Variants in DDX43 observed in about 807,000 individuals in gnomAD.
DDX43 encodes the protein probable ATP-dependent RNA helicase DDX43.
DDX43 carries 50 observed loss-of-function variants against 84.9 expected under a neutral mutation model. That is an observed-to-expected ratio of 0.59 (90% confidence interval 0.47 to 0.75). The LOEUF (loss-of-function observed/expected upper bound fraction) is 0.75. Among genes scored for constraint, DDX43 ranks in the 30% least tolerant of loss-of-function variants. DDX43 has a pLI of 0.00. For synonymous variants in DDX43, 291 were observed against 266.3 expected, an observed-to-expected ratio of 1.09 and a Z score of -0.90; for missense variants, 689 against 798.6, an observed-to-expected ratio of 0.86 and a Z score of 1.65.
intron 16 of DDX43, 129 bp downstream of exon 16, chr6:73,416,380 ATTAC>A: frequency 1.9e-6 from 1 of 534,952 alleles, no homozygotes; most frequent in Non-Finnish European, 3.4e-6. Context: ...ACTCATATCT[ATTAC>A]TTAATCCTTC....
In DDX43 at chr6:73,401,889, A is replaced by G. The variant is rs904846282; in HGVS notation, c.467A>G (p.Asp156Gly). ...DTAFQPSVGKDGSTDNNVVAG... is the reference protein window; with the variant it reads ...DTAFQPSVGKGGSTDNNVVAG... ...GCATTCCAACCTTCTGTTGGAAAAGATGGAAGCACAGATAACAATGTTGTT... is the reference window on the plus strand; with the variant it reads ...GCATTCCAACCTTCTGTTGGAAAAGGTGGAAGCACAGATAACAATGTTGTT... The change falls in exon 4 of 17, where the codon GAT (aspartate) becomes GGT (glycine). Residue 156 changes from aspartate (D) to glycine (G), a missense_variant. Coordinates refer to ENST00000370336, the MANE Select transcript of DDX43 (RefSeq NM_018665.3). The G allele has an allele frequency of 3.7e-6, 6 of 1,613,772 alleles. No individual in the cohort carries two copies. The highest frequency in any genetic ancestry group is 2.7e-5 in the African/African-American group (2 of 74,992).
intron 1 of DDX43, among the ~76,000 whole-genome samples, chr6:73,397,441 C>T (rs1769494119): frequency 6.6e-6 from 1 of 152,104 alleles, no homozygotes; most frequent in South Asian, 2.1e-4. Flanking sequence ...CCAGTTTGGA[C>T]CCAATTAAGT....
chr6:73,395,486 C>T lies in DDX43; in HGVS notation c.250+331C>T, dbSNP rs528170758. ...AAAAATAGCTGGGCGTGGTGGCGCGCGCCTGTAATCCCAGATACTCCGGAG... is the reference window on the plus strand; with the variant it reads ...AAAAATAGCTGGGCGTGGTGGCGCGTGCCTGTAATCCCAGATACTCCGGAG... On this transcript the variant is annotated intron_variant, in intron 1 of 16. Coordinates refer to ENST00000370336, the MANE Select transcript of DDX43 (RefSeq NM_018665.3). 2.6e-5 allele frequency among the ~76,000 whole-genome samples: 4 copies of T among 151,920 alleles called. No homozygotes were observed. In the East Asian group the frequency reaches 7.8e-4, roughly 30 times the overall value.
At chr6:73,412,098 T>G in intron 10 of DDX43, 107 bp from the exon 11 acceptor site, 1 of 861,774 alleles carries the variant, frequency 1.2e-6, no homozygotes, top group Non-Finnish European at 1.8e-6. Context: ...ATTGAAAAAA[T>G]AAGTACTAAA....
rs1769659963 is a variant in DDX43, at chr6:73,405,537, T to C, written c.651-142T>C. On this transcript the variant is annotated intron_variant, in intron 5 of 16. Transcript: ENST00000370336. Reference sequence around the variant, plus strand: ...ATGGACTCCTGCTTCTATTTCTTTATGCATTTCATTATAACTTCCCTGACA... The same window carrying C: ...ATGGACTCCTGCTTCTATTTCTTTACGCATTTCATTATAACTTCCCTGACA... 9.6e-6 allele frequency: 7 copies of C among 728,734 alleles called. No homozygotes were observed. The South Asian group carries it at 1.1e-4, about 12-fold the overall frequency. The allele number at this position is 728,734 out of a possible 1,614,324, so 45.1% of individuals were successfully genotyped here.
intron 16 of DDX43, among the ~76,000 whole-genome samples, chr6:73,416,456 A>G (rs1437404637): frequency 2.0e-5 from 3 of 152,218 alleles, no homozygotes; most frequent in Non-Finnish European, 4.4e-5. Context: ...TAGCAGCACT[A>G]TTCATAATAG....
intron 11 of DDX43, among the ~76,000 whole-genome samples, chr6:73,412,654 T>TGCGC (rs1257832009): frequency 4.6e-5 from 4 of 87,408 alleles, no homozygotes; most frequent in African/African-American, 1.6e-4. Context: ...TGTGTGTGTG[T>TGCGC]GTGTGTGTGT....
Position 73,413,955 on chromosome 6 carries a change from T to A in DDX43, c.1497-15T>A. On this transcript the variant is annotated splice_polypyrimidine_tract_variant and intron_variant, in intron 12 of 16. Coordinates refer to ENST00000370336, the MANE Select transcript of DDX43 (RefSeq NM_018665.3). ...AATAAGCACCTAAGAATGCTGAGTT[T>A]ATCTTTTGCTTCAGTGCGGATCACT... 4 of 1,584,662 alleles carry A rather than the reference T, an allele frequency of 2.5e-6. No individual in the cohort carries two copies. The highest frequency in any genetic ancestry group is 3.5e-6 in the Non-Finnish European group (4 of 1,155,506).
In DDX43 at chr6:73,400,225, T is replaced by C. The variant is rs745379819; in HGVS notation, c.307-9T>C. ...TTTAAGTCTCACCTCTTTTTCCCCT[T>C]GTACCTAGATAATACAAGAACAACC... On this transcript the variant is annotated splice_polypyrimidine_tract_variant and intron_variant, in intron 2 of 16. Transcript: ENST00000370336. 6.3e-6 allele frequency: 10 copies of C among 1,581,598 alleles called. No homozygotes were observed. The highest frequency in any genetic ancestry group is 7.7e-6 in the Non-Finnish European group (9 of 1,169,034).
intron 14 of DDX43, 22 bp downstream of exon 14, chr6:73,414,708 A>G (rs199586617): frequency 3.2e-5 from 51 of 1,593,938 alleles, no homozygotes; most frequent in African/African-American, 1.9e-4. Context: ...TAGTCCACCC[A>G]TGAAAGGCCA....
At chr6:73,403,835 T>C (rs995763940) in intron 4 of DDX43, among the ~76,000 whole-genome samples, 1 of 148,998 alleles carries the variant, frequency 6.7e-6, no homozygotes, top group East Asian at 2.0e-4. Context: ...TTTTTTTTTT[T>C]AAATGGAGTT....
At chr6:73,400,096 G>A in intron 2 of DDX43, 138 bp from the exon 3 acceptor site, 4 of 562,454 alleles carry the variant, frequency 7.1e-6, no homozygotes, top group Non-Finnish European at 1.2e-5. Flanking sequence ...GACATTGATT[G>A]GTGGTAATAC....
chr6:73,404,419 G>A (rs192504336), intron 4 of DDX43, among the ~76,000 whole-genome samples: 1 of 151,976 alleles, frequency 6.6e-6, no homozygotes, highest in African/African-American at 2.4e-5. Flanking sequence ...AAAATTTTCC[G>A]TAGAGACAGG....
At chr6:73,404,299 G>A (rs1769633395) in intron 4 of DDX43, among the ~76,000 whole-genome samples, 1 of 152,022 alleles carries the variant, frequency 6.6e-6, no homozygotes, top group South Asian at 2.1e-4. Flanking sequence ...CACCATGTTG[G>A]TTAGGCTCGT....
chr6:73,411,454 G>A (rs994305412), intron 10 of DDX43, among the ~76,000 whole-genome samples: 47 of 150,682 alleles, frequency 3.1e-4, no homozygotes, highest in South Asian at 2.1e-4. Flanking sequence ...TCAGCCTCCC[G>A]AGTAGCTGGG....
chr6:73,398,544 G>A (rs1190202955), intron 2 of DDX43, among the ~76,000 whole-genome samples: 1 of 151,820 alleles, frequency 6.6e-6, no homozygotes, highest in African/African-American at 2.4e-5. Flanking sequence ...GAGCCACCAG[G>A]CCCAGTCGGA....
chr6:73,402,202 G>T (rs936601789), intron 4 of DDX43, among the ~76,000 whole-genome samples: 9 of 152,158 alleles, frequency 5.9e-5, no homozygotes, highest in Middle Eastern at 6.3e-3. Flanking sequence ...TTTATAGTCT[G>T]TCAGCGGTAA....
intron 11 of DDX43, among the ~76,000 whole-genome samples, chr6:73,412,894 T>C (rs1358783319): frequency 6.6e-6 from 1 of 152,036 alleles, no homozygotes; most frequent in Non-Finnish European, 1.5e-5. Context: ...TACTCCTGGC[T>C]AAGTTTTGTA....
Position 73,405,822 on chromosome 6 carries a change from C to T in DDX43, c.794C>T (p.Pro265Leu). Residue 265 changes from proline (P) to leucine (L), a missense_variant, in exon 6 of 17, where the codon CCA (proline) becomes CTA (leucine). Around this residue, in one of 2 missense-constraint regions of DDX43, gnomAD observed 552 missense variants for 692.7 expected, o/e 0.80. Transcript: ENST00000370336. Reference sequence around the variant, plus strand: ...ATTAAAAAGGCAGGTTTTCAAAAGCCAACACCTATTCAGGTATGCTTTCAT... The same window carrying T: ...ATTAAAAAGGCAGGTTTTCAAAAGCTAACACCTATTCAGGTATGCTTTCAT... ...ENIKKAGFQKPTPIQSQAWPI... is the reference protein window; with the variant it reads ...ENIKKAGFQKLTPIQSQAWPI... The T allele has an allele frequency of 1.2e-6, 2 of 1,613,692 alleles. No homozygotes were observed. The highest frequency in any genetic ancestry group is 1.7e-6 in the Non-Finnish European group (2 of 1,179,878).
Sources: gnomAD v4.1 joint callset for allele counts (sites outside exome capture counted in the v4.1 genomes callset) on GRCh38, gnomAD v4.1.1 for gene constraint, gnomAD v4.1.1 regional missense constraint, MANE v1.5 for transcripts, NCBI Gene and HGNC (gene_info 2026-07-23, HGNC 2026-07-21) for gene names.